Variants in CFAP74 observed in about 807,000 individuals in gnomAD.
CFAP74 encodes cilia- and flagella-associated protein 74.
A neutral mutation model predicts 188.9 loss-of-function variants in CFAP74; 124 were observed. That is an observed-to-expected ratio of 0.66 (90% CI 0.57 to 0.76). The LOEUF (loss-of-function observed/expected upper bound fraction) is 0.76, where lower values mean the gene tolerates loss of function less well. Ranked by LOEUF, CFAP74 falls within the 30% of genes least tolerant of loss-of-function variation. The pLI is 0.00. For synonymous variants in CFAP74, 956 were observed against 916.7 expected (o/e 1.04, Z -0.77); for missense variants, 2,198 against 2,165.2 (o/e 1.02, Z -0.30).
chr1:1,926,845 A>G, intron 29 of CFAP74, 49 bp downstream of exon 29: 1 of 1,548,210 alleles, frequency 6.5e-7, no homozygotes, highest in Non-Finnish European at 8.7e-7. Context: ...GCAGAGGGAC[A>G]GCGCGTTTGC....
rs1241804193 is a variant in CFAP74 at position 1,923,256 on chromosome 1, G to C, written c.4522+111C>G. On this transcript the variant is annotated intron_variant, in intron 36 of 38. Coordinates refer to ENST00000682832, the MANE Select transcript of CFAP74 (RefSeq NM_001304360.2). The surrounding 1 kb of genome is among the most constrained non-coding windows in gnomAD (Gnocchi z 6.3). ...CAGTGGCTGTCCTGCTTGGCTCTGGGGTAGAAGGCTGGGAATCCCTGCCCT... is the reference window on the plus strand; with the variant it reads ...CAGTGGCTGTCCTGCTTGGCTCTGGCGTAGAAGGCTGGGAATCCCTGCCCT... The C allele has an allele frequency of 1.1e-5, 16 of 1,493,338 alleles. No individual in the cohort carries two copies. The South Asian group carries it at 1.6e-4, about 15-fold the overall frequency. The allele number at this position is 1,493,338 out of a possible 1,614,324, so 92.5% of individuals were successfully genotyped here.
chr1:1,988,325 G>T (rs1445267111), intron 4 of CFAP74, among the ~76,000 whole-genome samples, 187 bp downstream of exon 4: 4 of 152,206 alleles, frequency 2.6e-5, no homozygotes, highest in Non-Finnish European at 4.4e-5. Context: ...GTGGGAAGGG[G>T]GCTGGGAGCG....
chr1:1,949,832 G>C lies in CFAP74; in HGVS notation c.2177-2778C>G, dbSNP rs905672736. 2.0e-5 allele frequency among the ~76,000 whole-genome samples: 3 copies of C among 152,172 alleles called. No homozygotes were observed. In the East Asian group the frequency reaches 5.8e-4, roughly 29 times the overall value. ...CATGATGCATTTGAGACTGGTCCAC[G>C]GCACTGCCTCTATCAAAGGTTCATG... On this transcript the variant is annotated intron_variant, in intron 18 of 38. Coordinates refer to ENST00000682832, the MANE Select transcript of CFAP74 (RefSeq NM_001304360.2).
At chr1:1,964,559 G>A (rs1034737512) in intron 13 of CFAP74, among the ~76,000 whole-genome samples, 1 of 152,254 alleles carries the variant, frequency 6.6e-6, no homozygotes, top group East Asian at 1.9e-4. Context: ...GGAGGCTGAG[G>A]CGGGCAGATC....
Position 1,955,781 on chromosome 1 carries a change from G to C in CFAP74, c.2086C>G (p.Leu696Val), listed in dbSNP as rs764667105. 1.2e-6 allele frequency: 2 copies of C among 1,614,102 alleles called. No individual in the cohort carries two copies. The highest frequency in any genetic ancestry group is 2.7e-5 in the African/African-American group (2 of 74,940). ...KAATSFSEQQ[L>V]EGTESSQADM... ...GCCTGGGAGGACTCCGTGCCCTCTAGCTGCTGCTCAGAGAAGCTGGTGGCG... is the reference window on the plus strand; with the variant it reads ...GCCTGGGAGGACTCCGTGCCCTCTACCTGCTGCTCAGAGAAGCTGGTGGCG... The change falls in exon 18 of 39, where the codon CTA becomes GTA. Residue 696 changes from leucine (L) to valine (V), a missense_variant. Transcript: ENST00000682832.
chr1:1,945,998 ATGTGTGCGGGACTGCG>A (rs1378694707), intron 20 of CFAP74, among the ~76,000 whole-genome samples: 1 of 147,276 alleles, frequency 6.8e-6, no homozygotes, highest in African/African-American at 2.5e-5. Flanking sequence ...GCATGTGTGC[ATGTGTGCGGGACTGCG>A]TGTGTGCGTG....
rs554726525 is a variant in CFAP74 at position 1,942,583 on chromosome 1, G to A, written c.2487-427C>T. Among the ~76,000 whole-genome samples the A allele has an allele frequency of 6.6e-6, 1 of 152,066 alleles. No individual in the cohort carries two copies. The highest frequency in any genetic ancestry group is 6.5e-5 in the Admixed American group (1 of 15,278). On this transcript the variant is annotated intron_variant, in intron 21 of 38. Transcript: ENST00000682832. This position sits in a 1 kb window ranked among gnomAD's most constrained non-coding sequence, Gnocchi z 4.3. ...AGCTCAAGCACAGGGCACGTGGGGG[G>A]CCTGGGACGGCCACAGGCCTCGGTT...
rs1022352487 is a variant in CFAP74, at chr1:1,942,128, C to T, written c.2515G>A (p.Glu839Lys). 149 of 1,526,940 alleles carry T rather than the reference C, an allele frequency of 9.8e-5. No homozygotes were observed. Among genetic ancestry groups the T allele is most frequent in the Non-Finnish European group, 1.2e-4 (141 of 1,143,374 alleles). The allele number at this position is 1,526,940 out of a possible 1,614,324, so 94.6% of individuals were successfully genotyped here. The change falls in exon 22 of 39, where the codon GAG becomes AAG. Residue 839 changes from glutamate to lysine, a missense_variant. Coordinates refer to ENST00000682832, the MANE Select transcript of CFAP74 (RefSeq NM_001304360.2). This position sits in a 1 kb window ranked among gnomAD's most constrained non-coding sequence, Gnocchi z 4.3. ...TGGGCCCTCAGCTCCTTGCACACCT[C>T]GAACTTCAGGCGCAGGGCAGCTTTC... ...RSKAALRLKF[E>K]VCKELRAHLE... is the part of the protein sequence containing the mutation.
intron 37 of CFAP74, 51 bp from the exon 38 acceptor site, chr1:1,922,774 A>G (rs1557978257): frequency 6.3e-7 from 1 of 1,581,636 alleles, no homozygotes; most frequent in Non-Finnish European, 8.6e-7. Context: ...CGCTCCCAGA[A>G]GCAGTGGGAC....
At chr1:1,970,928 TGCACA>T in intron 9 of CFAP74, 112 bp from the exon 10 acceptor site, 1 of 1,314,860 alleles carries the variant, frequency 7.6e-7, no homozygotes, top group Non-Finnish European at 1.1e-6. Context: ...TGCACACACG[TGCACA>T]CACACATGCA....
At chr1:1,987,433 AC>A (rs1031366657) in intron 4 of CFAP74, among the ~76,000 whole-genome samples, 2 of 152,154 alleles carry the variant, frequency 1.3e-5, no homozygotes, top group African/African-American at 4.8e-5. Context: ...GGCCCAGGTC[AC>A]CAGTGGGGCA....
At position 1,970,811 on chromosome 1, in the gene CFAP74, T is replaced by G. The variant is rs745848750; in HGVS notation, c.894A>C (p.Thr298=). The change falls in exon 10 of 39, where the codon ACA becomes ACC. Residue 298 remains threonine, a synonymous_variant. Coordinates refer to ENST00000682832, the MANE Select transcript of CFAP74 (RefSeq NM_001304360.2). ...LKGSISANRD[T]LRKFQAWDRA... ...GGTCCCATGCTTGGAACTTCCGCAG[T>G]GTGTCCTTGGAAACAGAGAGCACTG... The G allele has an allele frequency of 5.6e-6, 9 of 1,614,060 alleles. No individual in the cohort carries two copies. The highest frequency in any genetic ancestry group is 7.6e-6 in the Non-Finnish European group (9 of 1,179,954).
intron 10 of CFAP74, among the ~76,000 whole-genome samples, chr1:1,970,294 G>A (rs1655852878): frequency 6.6e-6 from 1 of 151,858 alleles, no homozygotes; most frequent in Admixed American, 6.5e-5. Context: ...TCCCTGGAGG[G>A]GCCTGGTGCT....
chr1:1,958,793 G>T (rs146173790), intron 16 of CFAP74, among the ~76,000 whole-genome samples: 1 of 150,176 alleles, frequency 6.7e-6, no homozygotes, highest in South Asian at 2.1e-4. Context: ...TAGTTAAAAA[G>T]AATCAGGCGG....
intron 6 of CFAP74, among the ~76,000 whole-genome samples, chr1:1,980,903 G>A (rs149792313): frequency 1.8e-4 from 27 of 152,332 alleles, no homozygotes; most frequent in Non-Finnish European, 2.6e-4. Flanking sequence ...GGGCTGGGGC[G>A]GCCTGTTCTG....
chr1:1,943,798 G>A (rs866375025), intron 21 of CFAP74, among the ~76,000 whole-genome samples: 8 of 152,210 alleles, frequency 5.3e-5, no homozygotes, highest in Non-Finnish European at 1.0e-4. Flanking sequence ...CCACGTCCTG[G>A]AGGTCAGAAG....
intron 16 of CFAP74, among the ~76,000 whole-genome samples, chr1:1,957,817 G>T (rs1570912217): frequency 6.6e-6 from 1 of 152,272 alleles, no homozygotes; most frequent in South Asian, 2.1e-4. Flanking sequence ...TCGGTGTCCT[G>T]GGCCTGAGTC....
chr1:1,962,210 C>T (rs1558031189), intron 14 of CFAP74, among the ~76,000 whole-genome samples: 1 of 152,186 alleles, frequency 6.6e-6, no homozygotes, highest in Non-Finnish European at 1.5e-5. Context: ...CTGTGGCTCA[C>T]GCCTGTAATC....
intron 21 of CFAP74, among the ~76,000 whole-genome samples, chr1:1,943,919 C>T (rs376448533): frequency 9.2e-5 from 14 of 152,280 alleles, no homozygotes; most frequent in Admixed American, 2.6e-4. Flanking sequence ...TCCCCGGGCT[C>T]GGGGCCCTTC....
Sources: gnomAD v4.1 joint callset for allele counts (sites outside exome capture counted in the v4.1 genomes callset) on GRCh38, gnomAD v4.1.1 for gene constraint, Gnocchi (gnomAD v3.1) non-coding constraint, MANE v1.5 for transcripts, NCBI Gene and HGNC (gene_info 2026-07-23, HGNC 2026-07-21) for gene names.